The following NLGN1 variants were observed in gnomAD, a reference collection of about 807,000 sequenced individuals.
NLGN1 encodes neuroligin-1.
In NLGN1, 12 loss-of-function variants were observed where a neutral mutation model predicts 65.5. The ratio of observed to expected loss-of-function variants is 0.18; its 90% CI spans 0.12 to 0.30. The LOEUF is 0.30. Among genes scored for constraint, NLGN1 ranks in the 10% least tolerant of loss-of-function variants. NLGN1 has a pLI of 1.00. For missense variants in NLGN1, 750 were observed against 1,007.1 expected, an observed-to-expected ratio of 0.74 and a Z score of 3.46; for synonymous variants, 350 against 359.5, an observed-to-expected ratio of 0.97 and a Z score of 0.30.
rs11719976 is a variant in NLGN1 at position 174,161,717 on chromosome 3, G to A, written c.647-113598G>A. Among the ~76,000 whole-genome samples, 413 of 151,978 alleles carry A rather than the reference G, an allele frequency of 2.7e-3. 1 individual carries two copies. The highest frequency in any genetic ancestry group is 4.6e-3 in the Non-Finnish European group (311 of 67,906). Reference sequence around the variant, plus strand: ...GTGATACAATCATGACAGGACTAGCGTCTCATTTTCCAGTTGCAGTGATCT... The same window carrying A: ...GTGATACAATCATGACAGGACTAGCATCTCATTTTCCAGTTGCAGTGATCT... On this transcript the variant is annotated intron_variant, in intron 4 of 6. Transcript: ENST00000457714.
intron 3 of NLGN1, among the ~76,000 whole-genome samples, chr3:173,695,844 C>T (rs1766135194): frequency 6.6e-6 from 1 of 152,126 alleles, no homozygotes; most frequent in Non-Finnish European, 1.5e-5. Context: ...TTGTGAAGTG[C>T]CTGGCACTGT....
At chr3:174,133,893 A>AACAC (rs5854553) in intron 4 of NLGN1, among the ~76,000 whole-genome samples, 12,834 of 144,678 alleles carry the variant, frequency 0.089, 640 homozygotes, top group African/African-American at 0.12. Flanking sequence ...CACCCCACAA[A>AACAC]ACACACACAC....
intron 4 of NLGN1, among the ~76,000 whole-genome samples, chr3:174,124,063 T>C (rs900722882): frequency 6.6e-6 from 1 of 152,030 alleles, no homozygotes; most frequent in African/African-American, 2.4e-5. Flanking sequence ...TGGTGGCCTT[T>C]TAAGAAGGGG....
intron 4 of NLGN1, among the ~76,000 whole-genome samples, chr3:174,125,884 G>A (rs779784716): frequency 3.3e-5 from 5 of 152,010 alleles, no homozygotes; most frequent in Non-Finnish European, 7.4e-5. Context: ...ACTACTATGC[G>A]GTTAAGTCAT....
intron 2 of NLGN1, among the ~76,000 whole-genome samples, chr3:173,468,295 C>A (rs1163205569): frequency 3.3e-5 from 5 of 152,086 alleles, no homozygotes; most frequent in Non-Finnish European, 7.4e-5. Context: ...TATATTCTCT[C>A]AGTGAATCTC....
intron 3 of NLGN1, among the ~76,000 whole-genome samples, chr3:173,694,151 G>C (rs185242960): frequency 6.6e-6 from 1 of 152,126 alleles, no homozygotes; most frequent in Non-Finnish European, 1.5e-5. Flanking sequence ...GCTTGTTGCT[G>C]GTCAAAGTTG....
At chr3:173,927,943 G>A (rs999757277) in intron 4 of NLGN1, among the ~76,000 whole-genome samples, 2 of 152,092 alleles carry the variant, frequency 1.3e-5, no homozygotes, top group African/African-American at 2.4e-5. Flanking sequence ...GGTTGTGTCC[G>A]GCACAGTGCT....
chr3:173,701,082 G>T (rs184609676), intron 3 of NLGN1, among the ~76,000 whole-genome samples: 2 of 151,948 alleles, frequency 1.3e-5, no homozygotes, highest in Admixed American at 1.3e-4. Context: ...CTGAGATCTC[G>T]CCACCCACTG....
chr3:174,018,997 T>G (rs952943213), intron 4 of NLGN1, among the ~76,000 whole-genome samples: 44 of 152,182 alleles, frequency 2.9e-4, no homozygotes, highest in African/African-American at 1.0e-3. Flanking sequence ...AAGGTGATGA[T>G]CACAACAATG....
intron 4 of NLGN1, among the ~76,000 whole-genome samples, chr3:174,077,779 C>A (rs1184447076): frequency 6.6e-6 from 1 of 152,130 alleles, no homozygotes; most frequent in African/African-American, 2.4e-5. Flanking sequence ...TGGTCTCGAA[C>A]TCCTGACCTC....
intron 4 of NLGN1, among the ~76,000 whole-genome samples, chr3:173,838,569 T>G (rs1434971997): frequency 3.9e-5 from 6 of 152,174 alleles, no homozygotes; most frequent in Non-Finnish European, 8.8e-5. Flanking sequence ...ACTGGGGATT[T>G]ATCTGCCTGC....
chr3:174,002,329 T>C (rs902890520), intron 4 of NLGN1, among the ~76,000 whole-genome samples: 30 of 152,288 alleles, frequency 2.0e-4, no homozygotes, highest in Admixed American at 1.6e-3. Context: ...GGTTTCACCA[T>C]GTTGGCCAGG....
chr3:173,450,918 C>T (rs1721381479), intron 2 of NLGN1, among the ~76,000 whole-genome samples: 5 of 152,174 alleles, frequency 3.3e-5, no homozygotes. Flanking sequence ...TCCATCAGGT[C>T]CCTTAAAGAC....
intron 2 of NLGN1, among the ~76,000 whole-genome samples, chr3:173,462,081 A>G (rs959853574): frequency 8.5e-5 from 13 of 152,168 alleles, no homozygotes; most frequent in Non-Finnish European, 4.4e-5. Flanking sequence ...TAAAAAATAG[A>G]ATTTTTTATT....
chr3:173,397,059 A>C (rs541911622), upstream of NLGN1, among the ~76,000 whole-genome samples: 1 of 152,258 alleles, frequency 6.6e-6, no homozygotes, highest in Admixed American at 6.5e-5. Context: ...TGATGAAAAT[A>C]AAAGCAATAA....
chr3:173,516,775 C>T (rs1733883691), intron 2 of NLGN1, among the ~76,000 whole-genome samples: 1 of 151,992 alleles, frequency 6.6e-6, no homozygotes. Flanking sequence ...ATCATTCTGA[C>T]ACCAATAGGG....
At chr3:173,681,414 A>G (rs1577921914) in intron 3 of NLGN1, among the ~76,000 whole-genome samples, 1 of 152,180 alleles carries the variant, frequency 6.6e-6, no homozygotes, top group South Asian at 2.1e-4. Context: ...TCTAAATAAT[A>G]TATCTCTGTG....
intron 3 of NLGN1, among the ~76,000 whole-genome samples, chr3:173,606,405 AG>A (rs1218981092): frequency 6.6e-6 from 1 of 152,020 alleles, no homozygotes; most frequent in East Asian, 1.9e-4. Context: ...CTCATAGGAG[AG>A]TATGCTTTTC....
intron 4 of NLGN1, among the ~76,000 whole-genome samples, chr3:174,082,643 G>A (rs1010413680): frequency 2.6e-5 from 4 of 151,526 alleles, no homozygotes; most frequent in African/African-American, 7.3e-5. Flanking sequence ...GTTTTAAAAA[G>A]CAATACATTT....
Sources: gnomAD v4.1 joint callset for allele counts (sites outside exome capture counted in the v4.1 genomes callset) on GRCh38, gnomAD v4.1.1 for gene constraint, MANE v1.5 for transcripts, NCBI Gene and HGNC (gene_info 2026-07-23, HGNC 2026-07-21) for gene names.